Variants in CHRNA7 observed in about 807,000 individuals in gnomAD.
CHRNA7 encodes cholinergic receptor nicotinic alpha 7 subunit.
CHRNA7 carries 17 observed loss-of-function variants against 48.0 expected under a neutral mutation model. The ratio of observed to expected loss-of-function variants is 0.35; its 90% CI spans 0.24 to 0.53. CHRNA7 has a LOEUF of 0.53. Among genes scored for constraint, CHRNA7 ranks in the 20% least tolerant of loss-of-function variants. The pLI is 0.92. For synonymous variants in CHRNA7, 75 were observed against 242.3 expected (o/e 0.31, Z 6.41); for missense variants, 155 against 577.7 (o/e 0.27, Z 7.50).
At chr15:32,089,107 T>A (rs1371386106) in intron 2 of CHRNA7, among the ~76,000 whole-genome samples, 1 of 152,196 alleles carries the variant, frequency 6.6e-6, no homozygotes, top group Non-Finnish European at 1.5e-5. Flanking sequence ...AAGAATAAGA[T>A]CTATGTTGAA....
At chr15:32,109,713 CCT>C (rs1424773771) in intron 3 of CHRNA7, among the ~76,000 whole-genome samples, 1 of 152,194 alleles carries the variant, frequency 6.6e-6, no homozygotes, top group Non-Finnish European at 1.5e-5. Context: ...ACCCTGGCGT[CCT>C]CTTGTAAATG....
chr15:32,133,218 G>C (rs935269293), intron 4 of CHRNA7, among the ~76,000 whole-genome samples: 1 of 152,204 alleles, frequency 6.6e-6, no homozygotes, highest in Non-Finnish European at 1.5e-5. Flanking sequence ...GGGATAATTA[G>C]CTTCCTTTTT....
At chr15:32,068,837 T>C (rs899012822) in intron 2 of CHRNA7, among the ~76,000 whole-genome samples, 4 of 152,012 alleles carry the variant, frequency 2.6e-5, no homozygotes, top group Non-Finnish European at 4.4e-5. Flanking sequence ...GACGTATCAA[T>C]GGGGCCCTCA....
rs746809684 is a variant in CHRNA7, at chr15:32,030,771, G to A, written c.55+122G>A. ...CTCCCCGCCGCCGGGGAGGGGCAGC[G>A]GGGGCGCTGCGGGGGCTGCTTGTCT... On this transcript the variant is annotated intron_variant, in intron 1 of 9. Coordinates refer to ENST00000306901, the MANE Select transcript of CHRNA7 (RefSeq NM_000746.6). The A allele has an allele frequency of 1.5e-5, 22 of 1,506,942 alleles. No homozygotes were observed. In the South Asian group the frequency reaches 2.0e-4, roughly 14 times the overall value. The allele number at this position is 1,506,942 out of a possible 1,614,324, so 93.3% of individuals were successfully genotyped here. A position where few individuals can be genotyped will look rare whatever the true frequency, so the allele number is the denominator to read the frequency against.
intron 3 of CHRNA7, among the ~76,000 whole-genome samples, chr15:32,105,500 G>A (rs2050653166): frequency 6.7e-6 from 1 of 149,746 alleles, no homozygotes; most frequent in Non-Finnish European, 1.5e-5. Flanking sequence ...AGGAGAGGAG[G>A]AAAGGAGGAG....
chr15:32,048,713 T>C (rs1001113014), intron 2 of CHRNA7, among the ~76,000 whole-genome samples: 1 of 152,084 alleles, frequency 6.6e-6, no homozygotes, highest in Non-Finnish European at 1.5e-5. Context: ...TTCTGCTAGC[T>C]TTTGAATGTG....
At chr15:32,054,054 G>A (rs1377180702) in intron 2 of CHRNA7, among the ~76,000 whole-genome samples, 1 of 152,178 alleles carries the variant, frequency 6.6e-6, no homozygotes, top group African/African-American at 2.4e-5. Context: ...CTATACTCTG[G>A]GGAGAGGACT....
chr15:32,148,917 C>G (rs1373819137), intron 4 of CHRNA7, among the ~76,000 whole-genome samples: 1 of 152,184 alleles, frequency 6.6e-6, no homozygotes, highest in Non-Finnish European at 1.5e-5. Context: ...TCCTTTAAAG[C>G]CTATGCAGAC....
chr15:32,117,158 C>G (rs74568307), intron 4 of CHRNA7, among the ~76,000 whole-genome samples: 2,272 of 152,244 alleles, frequency 0.015, 47 homozygotes, highest in African/African-American at 0.053. Context: ...GGCAGGCAAG[C>G]CGTTGGAGTG....
chr15:32,067,432 A>G (rs555137390), intron 2 of CHRNA7, among the ~76,000 whole-genome samples: 63 of 152,356 alleles, frequency 4.1e-4, no homozygotes, highest in African/African-American at 1.4e-3. Context: ...AATATCTTTC[A>G]AAATGAAGGA....
At chr15:32,108,760 T>C (rs1014766695) in intron 3 of CHRNA7, among the ~76,000 whole-genome samples, 2 of 152,200 alleles carry the variant, frequency 1.3e-5, no homozygotes, top group African/African-American at 4.8e-5. Flanking sequence ...TCTCTCTCTT[T>C]TTTTAAGCCA....
chr15:32,152,298 C>G (rs773799085), intron 4 of CHRNA7, among the ~76,000 whole-genome samples: 29 of 152,116 alleles, frequency 1.9e-4, no homozygotes, highest in Non-Finnish European at 3.8e-4. Flanking sequence ...TAACAATTAG[C>G]CGGGAGTGGT....
intron 2 of CHRNA7, among the ~76,000 whole-genome samples, chr15:32,095,464 A>C (rs2050452808): frequency 6.6e-6 from 1 of 152,206 alleles, no homozygotes; most frequent in South Asian, 2.1e-4. Flanking sequence ...AGATGTTAAC[A>C]TAAATAGCAT....
chr15:32,138,569 C>T (rs1009916228), intron 4 of CHRNA7, among the ~76,000 whole-genome samples: 1 of 151,720 alleles, frequency 6.6e-6, no homozygotes, highest in Non-Finnish European at 1.5e-5. Context: ...TCAGGGTTCT[C>T]TCTTGGTGGC....
intron 4 of CHRNA7, among the ~76,000 whole-genome samples, chr15:32,129,902 A>G (rs1025674733): frequency 4.6e-5 from 7 of 151,896 alleles, no homozygotes; most frequent in African/African-American, 1.7e-4. Context: ...GATACATTGC[A>G]TTTTTATTCA....
chr15:32,114,818 G>C (rs542424876), intron 4 of CHRNA7, among the ~76,000 whole-genome samples: 1 of 152,222 alleles, frequency 6.6e-6, no homozygotes, highest in Non-Finnish European at 1.5e-5. Flanking sequence ...CATGTGGCTG[G>C]TTGTCTCTTT....
At chr15:32,081,593 A>G (rs1158405702) in intron 2 of CHRNA7, among the ~76,000 whole-genome samples, 1 of 152,104 alleles carries the variant, frequency 6.6e-6, no homozygotes, top group Non-Finnish European at 1.5e-5. Context: ...TGAATAGCTT[A>G]TTCCTGTCTA....
intron 2 of CHRNA7, chr15:32,098,871 A>AACACACACACACACACACACACACACAC (rs59894827): frequency 1.5e-5 from 2 of 134,786 alleles, no homozygotes; most frequent in East Asian, 2.2e-4. Context: ...CCCCCCCACC[A>AACACACACACACACACACACACACACAC]ACACACACAC....
At chr15:32,055,989 A>G (rs1310308280) in intron 2 of CHRNA7, among the ~76,000 whole-genome samples, 1 of 151,904 alleles carries the variant, frequency 6.6e-6, no homozygotes, top group African/African-American at 2.4e-5. Context: ...AAAAAAAAAA[A>G]CCAAAAAACA....
Sources: allele counts gnomAD v4.1 joint callset (sites outside exome capture counted in the v4.1 genomes callset), GRCh38; gene constraint gnomAD v4.1.1; transcripts MANE v1.5; gene names NCBI Gene and HGNC (gene_info 2026-07-23, HGNC 2026-07-21).